The following PPARGC1A variants were observed in gnomAD, a reference collection of about 807,000 sequenced individuals.
The protein encoded by PPARGC1A is PPARG coactivator 1 alpha.
A neutral mutation model predicts 88.7 loss-of-function variants in PPARGC1A; 25 were observed. That is an observed-to-expected ratio of 0.28 (90% CI 0.21 to 0.39). The LOEUF is 0.39. Ranked by LOEUF, PPARGC1A falls within the 10% of genes least tolerant of loss-of-function variation. The pLI, the probability that PPARGC1A is intolerant of heterozygous loss-of-function variation, is 1.00. For missense variants in PPARGC1A, 880 were observed against 968.7 expected (o/e 0.91, Z 1.22); for synonymous variants, 363 against 355.6 (o/e 1.02, Z -0.24).
At chr4:24,069,278 A>G in the PPARGC1A span, among the ~76,000 whole-genome samples, 1 of 152,208 alleles carries the variant, frequency 6.6e-6, no homozygotes, top group Non-Finnish European at 1.5e-5. Context: ...CAAAGTGGAT[A>G]TGGTAATACT....
the PPARGC1A span, among the ~76,000 whole-genome samples, chr4:24,020,622 G>A: frequency 1.7e-4 from 26 of 152,098 alleles, no homozygotes; most frequent in African/African-American, 6.3e-4. Flanking sequence ...AAGAGATCGG[G>A]ATGTGAGTAA....
the PPARGC1A span, among the ~76,000 whole-genome samples, chr4:24,219,711 TG>T: frequency 1.3e-5 from 2 of 152,184 alleles, no homozygotes; most frequent in Admixed American, 6.5e-5. Context: ...ATAGGGATGA[TG>T]TTTGGATATT....
At chr4:24,152,167 T>A in the PPARGC1A span, among the ~76,000 whole-genome samples, 1 of 152,208 alleles carries the variant, frequency 6.6e-6, no homozygotes, top group African/African-American at 2.4e-5. Context: ...TCACAAAACA[T>A]GAAGTTAGCT....
chr4:23,843,778 A>T (rs1164357213), intron 2 of PPARGC1A, among the ~76,000 whole-genome samples: 1 of 152,068 alleles, frequency 6.6e-6, no homozygotes, highest in Non-Finnish European at 1.5e-5. Context: ...TAGAGTTAAC[A>T]GGCATGGTTT....
intron 10 of PPARGC1A, among the ~76,000 whole-genome samples, chr4:23,810,402 C>G (rs190275203): frequency 2.6e-5 from 4 of 152,250 alleles, no homozygotes; most frequent in African/African-American, 7.2e-5. Flanking sequence ...AGGAACTAGT[C>G]AACATTTGTA....
At chr4:24,134,845 C>T in the PPARGC1A span, among the ~76,000 whole-genome samples, 1 of 152,176 alleles carries the variant, frequency 6.6e-6, no homozygotes, top group Non-Finnish European at 1.5e-5. Flanking sequence ...TTACAAGTCT[C>T]TCTTGAGCCT....
the PPARGC1A span, among the ~76,000 whole-genome samples, chr4:24,434,114 G>T: frequency 6.6e-6 from 1 of 152,130 alleles, no homozygotes; most frequent in Non-Finnish European, 1.5e-5. Flanking sequence ...CCCAAAAGAG[G>T]AAAGAAAGAA....
chr4:24,369,328 A>G, the PPARGC1A span, among the ~76,000 whole-genome samples: 1 of 152,212 alleles, frequency 6.6e-6, no homozygotes, highest in Non-Finnish European at 1.5e-5. Context: ...TAGTTGCTTG[A>G]TGAGGGATAA....
At chr4:23,865,111 G>A (rs185729282) in intron 2 of PPARGC1A, among the ~76,000 whole-genome samples, 9 of 152,280 alleles carry the variant, frequency 5.9e-5, no homozygotes, top group Non-Finnish European at 1.2e-4. Context: ...CTTGAACCTG[G>A]GAGGTGGAGG....
chr4:24,325,599 G>GGCA, the PPARGC1A span, among the ~76,000 whole-genome samples: 1 of 152,146 alleles, frequency 6.6e-6, no homozygotes, highest in African/African-American at 2.4e-5. Context: ...CAACTCACCT[G>GGCA]GCAGCCACTC....
At chr4:23,862,668 C>T in intron 2 of PPARGC1A, among the ~76,000 whole-genome samples, 1 of 152,078 alleles carries the variant, frequency 6.6e-6, no homozygotes, top group East Asian at 1.9e-4. Flanking sequence ...ATGTTTTTAA[C>T]ATTGTCTTAA....
chr4:24,267,215 G>T, the PPARGC1A span, among the ~76,000 whole-genome samples: 1 of 152,122 alleles, frequency 6.6e-6, no homozygotes, highest in Non-Finnish European at 1.5e-5. Context: ...ATGCTAATAT[G>T]CAAATGCCCT....
chr4:24,294,706 C>T, the PPARGC1A span, among the ~76,000 whole-genome samples: 476 of 152,268 alleles, frequency 3.1e-3, 1 homozygote, highest in African/African-American at 0.011. Context: ...ACTGTAGAGT[C>T]CAATTTTAAT....
chr4:24,402,851 G>A, the PPARGC1A span, among the ~76,000 whole-genome samples: 6 of 152,322 alleles, frequency 3.9e-5, no homozygotes, highest in East Asian at 3.9e-4. Context: ...CTCTATGCTT[G>A]GTGCTAGATT....
the PPARGC1A span, among the ~76,000 whole-genome samples, chr4:24,209,823 C>T: frequency 6.6e-6 from 1 of 152,062 alleles, no homozygotes; most frequent in Admixed American, 6.6e-5. Flanking sequence ...TAAACAAATA[C>T]ACATTTATTG....
At chr4:24,119,607 C>G in the PPARGC1A span, among the ~76,000 whole-genome samples, 11 of 152,024 alleles carry the variant, frequency 7.2e-5, no homozygotes, top group Non-Finnish European at 1.5e-4. Flanking sequence ...ACTAAACACA[C>G]TTAGCACAAA....
chr4:23,928,771 A>AC, the PPARGC1A span, among the ~76,000 whole-genome samples: 71 of 2,328 alleles, frequency 0.03, 3 homozygotes, highest in African/African-American at 0.055. Flanking sequence ...CAAAAAAAAC[A>AC]AAAAAAAACA....
At chr4:24,367,385 A>G in the PPARGC1A span, among the ~76,000 whole-genome samples, 111 of 152,200 alleles carry the variant, frequency 7.3e-4, no homozygotes, top group Non-Finnish European at 1.5e-3. Context: ...TCTGATCCTC[A>G]ACACTCATCT....
At chr4:24,225,766 G>A in the PPARGC1A span, among the ~76,000 whole-genome samples, 1 of 152,078 alleles carries the variant, frequency 6.6e-6, no homozygotes, top group Non-Finnish European at 1.5e-5. Context: ...GGTTTGGATG[G>A]AGAAAATCAA....
Sources: allele counts gnomAD v4.1 joint callset (sites outside exome capture counted in the v4.1 genomes callset), GRCh38; gene constraint gnomAD v4.1.1; transcripts MANE v1.5; gene names NCBI Gene and HGNC (gene_info 2026-07-23, HGNC 2026-07-21).